Variants in TP63 observed in about 807,000 individuals in gnomAD.
TP63 encodes tumor protein p63, also known as tumor protein 63.
A neutral mutation model predicts 82.8 loss-of-function variants in TP63; 17 were observed. The observed-to-expected ratio is 0.21, with a 90% CI of 0.14 to 0.31. TP63 has a LOEUF of 0.31. TP63 is among the 10% of genes least tolerant of loss of function. The pLI is 1.00. For missense variants in TP63, 648 were observed against 895.3 expected (o/e 0.72, Z 3.52); for synonymous variants, 330 against 321.7 (o/e 1.03, Z -0.28).
chr3:189,848,747 C>T (rs1184195441), intron 4 of TP63, among the ~76,000 whole-genome samples: 1 of 152,314 alleles, frequency 6.6e-6, no homozygotes, highest in East Asian at 1.9e-4. Flanking sequence ...TTTAGTTGTG[C>T]AACCTTTAGA....
intron 1 of TP63, among the ~76,000 whole-genome samples, chr3:189,681,592 A>G (rs1209716437): frequency 1.3e-5 from 2 of 152,170 alleles, no homozygotes; most frequent in Non-Finnish European, 2.9e-5. Context: ...TGCTCCATAA[A>G]TTATATGCAA....
In TP63 at chr3:189,830,739, A is replaced by G. The variant is rs191698023; in HGVS notation, c.579+22213A>G. ...CAAATAAAGGCCCATAATTATCATA[A>G]CAGAAAAATTAATATGTGACGCAAG... On this transcript the variant is annotated intron_variant, in intron 4 of 13. Transcript: ENST00000264731. Among the ~76,000 whole-genome samples, 173 of 152,318 alleles carry G rather than the reference A, an allele frequency of 1.1e-3. 1 individual carries two copies. Among genetic ancestry groups the G allele is most frequent in the Non-Finnish European group, 1.9e-3 (128 of 68,020 alleles).
intron 3 of TP63, among the ~76,000 whole-genome samples, chr3:189,781,078 G>A (rs1180649593): frequency 6.6e-6 from 1 of 152,094 alleles, no homozygotes; most frequent in African/African-American, 2.4e-5. Context: ...CACAGGATTT[G>A]GCCAACTCTT....
chr3:189,663,521 CTTT>C (rs397991949), intron 1 of TP63, among the ~76,000 whole-genome samples: 1,103 of 84,452 alleles, frequency 0.013, 5 homozygotes, highest in Middle Eastern at 0.032. Context: ...TTCATTCATT[CTTT>C]TTTTTTTTTT....
At position 189,867,940 on chromosome 3, in the gene TP63, A is replaced by T; in HGVS notation, c.990A>T (p.Arg330Ser). 6.2e-7 allele frequency: 1 copy of T among 1,613,208 alleles called. No individual in the cohort carries two copies. Among genetic ancestry groups the T allele is most frequent in the Non-Finnish European group, 8.5e-7 (1 of 1,179,304 alleles). The change falls in exon 7 of 14, where the codon AGA becomes AGT. Residue 330 changes from arginine to serine, a missense_variant and splice_region_variant. Arg to Ser is a moderately radical substitution (Grantham distance 110). Around this residue, in one of 5 missense-constraint regions of TP63, gnomAD observed 30 missense variants for 85.4 expected, o/e 0.35. Coordinates refer to ENST00000264731, the MANE Select transcript of TP63 (RefSeq NM_003722.5). ...TAATCATTGTTACTCTGGAAACCAG[A>T]GAGTAAGTGGCGTATGTAAAATTGT... The part of the protein sequence containing the change: ...PILIIVTLET[R>S]DGQVLGRRCF...
chr3:189,808,145 T>C (rs1008309146), intron 3 of TP63, 127 bp from the exon 4 acceptor site: 1 of 1,507,978 alleles, frequency 6.6e-7, no homozygotes, highest in East Asian at 2.3e-5. Flanking sequence ...CGGTTTTACT[T>C]TGAATGTGAA....
intron 12 of TP63, among the ~76,000 whole-genome samples, chr3:189,889,933 A>G (rs191860945): frequency 5.1e-4 from 77 of 152,328 alleles, no homozygotes; most frequent in Middle Eastern, 3.4e-3. Flanking sequence ...TTTTAATGTT[A>G]TCCAAAATGA....
rs1454727742 is a variant in TP63 at position 189,649,394 on chromosome 3, G to A, written c.62+17817G>A. On this transcript the variant is annotated intron_variant, in intron 1 of 13. Coordinates refer to ENST00000264731, the MANE Select transcript of TP63 (RefSeq NM_003722.5). The stretch of plus-strand genomic sequence containing the variant: ...GGAATAGAAAACCAAATAGCATTAT[G>A]TTTCACTCATAAGTGGAAACTAAAT... Among the ~76,000 whole-genome samples, 10 of 146,658 alleles carry A rather than the reference G, an allele frequency of 6.8e-5. 1 individual carries two copies. Among genetic ancestry groups the A allele is most frequent in the African/African-American group, 2.6e-4 (10 of 39,080 alleles).
At chr3:189,815,626 A>G (rs1320401128) in intron 4 of TP63, among the ~76,000 whole-genome samples, 1 of 152,204 alleles carries the variant, frequency 6.6e-6, no homozygotes, top group Non-Finnish European at 1.5e-5. Context: ...ATTCAAAAAA[A>G]AGTTGTAAAA....
intron 1 of TP63, among the ~76,000 whole-genome samples, chr3:189,713,281 C>A (rs1718728396): frequency 6.6e-6 from 1 of 152,144 alleles, no homozygotes; most frequent in Non-Finnish European, 1.5e-5. Flanking sequence ...AATGGACAAA[C>A]TACTAACTTG....
chr3:189,621,443 CAT>C, the TP63 span, among the ~76,000 whole-genome samples: 2 of 151,808 alleles, frequency 1.3e-5, no homozygotes, highest in African/African-American at 2.4e-5. Flanking sequence ...TATATACATA[CAT>C]ATATATACAC....
intron 3 of TP63, among the ~76,000 whole-genome samples, chr3:189,780,303 A>G (rs754382259): frequency 5.4e-4 from 82 of 152,348 alleles, no homozygotes; most frequent in Non-Finnish European, 6.6e-4. Flanking sequence ...CTTATTACCC[A>G]GCCCCAAATC....
At chr3:189,642,479 C>T (rs1232720643) in intron 1 of TP63, among the ~76,000 whole-genome samples, 1 of 151,996 alleles carries the variant, frequency 6.6e-6, no homozygotes, top group Non-Finnish European at 1.5e-5. Context: ...ATTCGGGGGC[C>T]AATGCGCATA....
rs200515220 is a variant in TP63, at chr3:189,739,785, C to CTTT, written c.324+1025_324+1027dup. Among the ~76,000 whole-genome samples, 13 of 126,518 alleles carry CTTT rather than the reference C, an allele frequency of 1.0e-4. 1 individual carries two copies. The highest frequency in any genetic ancestry group is 8.8e-4 in the East Asian group (4 of 4,546). The allele number at this position is 126,518 out of a possible 152,430, so 83.0% of individuals were successfully genotyped here. A position where few individuals can be genotyped will look rare whatever the true frequency, so the allele number is the denominator to read the frequency against. ...CAGTTTCATAATGCTGGTGGGTTTT[C>CTTT]TTTTTTTTTTTTTTTTAATCATTTA... On this transcript the variant is annotated intron_variant, in intron 3 of 13. Transcript: ENST00000264731.
chr3:189,622,583 C>G, the TP63 span, among the ~76,000 whole-genome samples: 1 of 152,136 alleles, frequency 6.6e-6, no homozygotes, highest in African/African-American at 2.4e-5. Context: ...TTTGAAGATG[C>G]AATATAAAGA....
chr3:189,875,293 C>A (rs1453675323), intron 10 of TP63, among the ~76,000 whole-genome samples: 1 of 151,860 alleles, frequency 6.6e-6, no homozygotes, highest in Non-Finnish European at 1.5e-5. Context: ...GTAGGCCGGG[C>A]ACGGTGGCTC....
chr3:189,846,422 T>C (rs1714871924), intron 4 of TP63, among the ~76,000 whole-genome samples: 1 of 152,306 alleles, frequency 6.6e-6, no homozygotes, highest in South Asian at 2.1e-4. Context: ...TGGCCAAAAC[T>C]GTCATGTCAG....
intron 3 of TP63, among the ~76,000 whole-genome samples, chr3:189,741,181 A>C (rs1720955789): frequency 6.7e-6 from 1 of 150,264 alleles, no homozygotes; most frequent in Non-Finnish European, 1.5e-5. Flanking sequence ...AAACTTGCCT[A>C]TCTGTGGCTG....
At chr3:189,636,011 G>C (rs893975251) in intron 1 of TP63, among the ~76,000 whole-genome samples, 3 of 152,100 alleles carry the variant, frequency 2.0e-5, no homozygotes, top group Admixed American at 2.0e-4. Flanking sequence ...GAGCCAACAT[G>C]CTACAGTCTG....
Sources: gnomAD v4.1 joint callset for allele counts (sites outside exome capture counted in the v4.1 genomes callset) on GRCh38, gnomAD v4.1.1 for gene constraint, gnomAD v4.1.1 regional missense constraint, MANE v1.5 for transcripts, NCBI Gene and HGNC (gene_info 2026-07-23, HGNC 2026-07-21) for gene names.